DNM3: variants seen among roughly 807,000 people sequenced by gnomAD.
The protein encoded by DNM3 is dynamin 3.
Under a neutral mutation model 101.6 loss-of-function variants are expected in DNM3, and 47 were observed. The ratio of observed to expected loss-of-function variants is 0.46; its 90% CI spans 0.37 to 0.59. DNM3 has a LOEUF of 0.59. DNM3 is among the 20% of genes least tolerant of loss of function. The pLI is 0.00. For synonymous variants in DNM3, 385 were observed against 387.9 expected, an observed-to-expected ratio of 0.99 and a Z score of 0.09; for missense variants, 849 against 1,085.7, an observed-to-expected ratio of 0.78 and a Z score of 3.06.
intron 2 of DNM3, among the ~76,000 whole-genome samples, chr1:171,943,347 A>G (rs569498451): frequency 6.6e-6 from 1 of 152,132 alleles, no homozygotes; most frequent in Non-Finnish European, 1.5e-5. Context: ...AGTTCAGGAC[A>G]TGATGGGGAG....
At chr1:172,403,108 C>CT in intron 20 of DNM3, among the ~76,000 whole-genome samples, 1 of 152,240 alleles carries the variant, frequency 6.6e-6, no homozygotes, top group East Asian at 1.9e-4. Flanking sequence ...GCATATCAAT[C>CT]TAACTGCCCA....
intron 13 of DNM3, among the ~76,000 whole-genome samples, chr1:172,119,158 A>C (rs957329519): frequency 5.1e-4 from 77 of 151,796 alleles, no homozygotes; most frequent in African/African-American, 1.8e-3. Flanking sequence ...ACACCCAGTT[A>C]ATTTTGTATT....
chr1:172,355,844 G>A (rs965573732), intron 17 of DNM3, among the ~76,000 whole-genome samples: 3 of 152,050 alleles, frequency 2.0e-5, no homozygotes, highest in African/African-American at 7.2e-5. Flanking sequence ...TGACTAAAAT[G>A]TTTCCAGAAC....
chr1:172,390,306 C>T (rs1036264023), intron 20 of DNM3, among the ~76,000 whole-genome samples: 1 of 152,124 alleles, frequency 6.6e-6, no homozygotes, highest in Non-Finnish European at 1.5e-5. Flanking sequence ...GGTTGTTATC[C>T]ACATTTTACA....
At chr1:172,109,676 A>ATCCCG (rs2055315184) in intron 13 of DNM3, among the ~76,000 whole-genome samples, 2 of 152,226 alleles carry the variant, frequency 1.3e-5, no homozygotes, top group African/African-American at 4.8e-5. Flanking sequence ...GATTAACAAA[A>ATCCCG]TAGCTGCTCT....
chr1:172,075,349 G>A (rs1456859923), intron 11 of DNM3, among the ~76,000 whole-genome samples: 1 of 152,058 alleles, frequency 6.6e-6, no homozygotes, highest in African/African-American at 2.4e-5. Context: ...GGCTTTTGTT[G>A]CCATTGCTTT....
intron 1 of DNM3, among the ~76,000 whole-genome samples, chr1:171,910,348 A>G (rs2039195625): frequency 6.6e-6 from 1 of 152,236 alleles, no homozygotes; most frequent in Admixed American, 6.5e-5. Flanking sequence ...CTGAGTAGTT[A>G]GTTAAATCTC....
chr1:172,027,617 CAG>C (rs1553340555), intron 4 of DNM3, among the ~76,000 whole-genome samples: 17,457 of 146,868 alleles, frequency 0.12, 1,121 homozygotes, highest in East Asian at 0.25. Context: ...CACACACACA[CAG>C]AGAGAGAGAA....
At chr1:171,988,702 T>C (rs894839625) in intron 3 of DNM3, among the ~76,000 whole-genome samples, 1 of 152,206 alleles carries the variant, frequency 6.6e-6, no homozygotes, top group African/African-American at 2.4e-5. Flanking sequence ...AGCAAACTGT[T>C]AGGCATGCAA....
chr1:171,951,833 C>T (rs2042546702), intron 2 of DNM3, among the ~76,000 whole-genome samples: 1 of 152,108 alleles, frequency 6.6e-6, no homozygotes, highest in Admixed American at 6.5e-5. Context: ...AGAAAGTGAG[C>T]TTAAGTGGTT....
intron 2 of DNM3, among the ~76,000 whole-genome samples, chr1:171,926,584 T>C (rs2040592115): frequency 6.6e-6 from 1 of 152,228 alleles, no homozygotes; most frequent in South Asian, 2.1e-4. Flanking sequence ...TTTATGTCTA[T>C]CCTTGGGCCA....
At chr1:172,252,185 C>T (rs2062197197) in intron 14 of DNM3, among the ~76,000 whole-genome samples, 1 of 152,080 alleles carries the variant, frequency 6.6e-6, no homozygotes, top group Non-Finnish European at 1.5e-5. Flanking sequence ...ATTTTGTTCT[C>T]TAAGCGACTT....
chr1:172,205,290 C>T (rs189138093), intron 14 of DNM3, among the ~76,000 whole-genome samples: 86 of 152,214 alleles, frequency 5.6e-4, no homozygotes, highest in Middle Eastern at 3.4e-3. Flanking sequence ...TTCAAGAACA[C>T]ACTATATTTC....
At chr1:172,413,315 C>T (rs529345779), downstream of DNM3, among the ~76,000 whole-genome samples, 1 of 152,304 alleles carries the variant, frequency 6.6e-6, no homozygotes, top group Non-Finnish European at 1.5e-5. Context: ...CAAGCTCCGC[C>T]TCCCGGGTTC....
chr1:172,304,222 A>AAAAAAAAAAAAAAAAC (rs745651671), intron 15 of DNM3, among the ~76,000 whole-genome samples: 38 of 128,964 alleles, frequency 2.9e-4, no homozygotes, highest in African/African-American at 1.2e-3. Flanking sequence ...AAAAAAAAAA[A>AAAAAAAAAAAAAAAAC]CAGGAGTTGC....
chr1:172,189,258 A>C (rs2059623262), intron 14 of DNM3, among the ~76,000 whole-genome samples: 1 of 152,000 alleles, frequency 6.6e-6, no homozygotes, highest in Admixed American at 6.6e-5. Context: ...CTTTATTACT[A>C]TAGCTTTATG....
chr1:171,856,505 G>A (rs1387538606), intron 1 of DNM3, among the ~76,000 whole-genome samples: 2 of 152,170 alleles, frequency 1.3e-5, no homozygotes, highest in Non-Finnish European at 2.9e-5. Flanking sequence ...CTATCCATAA[G>A]CATGGGATGT....
intron 14 of DNM3, among the ~76,000 whole-genome samples, chr1:172,221,659 T>C (rs1382067108): frequency 6.6e-6 from 1 of 152,118 alleles, no homozygotes; most frequent in Non-Finnish European, 1.5e-5. Flanking sequence ...TTCCCTTGCC[T>C]CCTTTAGGGC....
At chr1:172,096,802 G>A (rs12562403) in intron 13 of DNM3, among the ~76,000 whole-genome samples, 2,876 of 152,270 alleles carry the variant, frequency 0.019, 80 homozygotes, top group East Asian at 0.13. Context: ...TTTCCAATAG[G>A]GAAGGGAACT....
Sources: allele counts gnomAD v4.1 joint callset (sites outside exome capture counted in the v4.1 genomes callset), GRCh38; gene constraint gnomAD v4.1.1; transcripts MANE v1.5; gene names NCBI Gene and HGNC (gene_info 2026-07-23, HGNC 2026-07-21).